DISP2: variants seen among roughly 807,000 people sequenced by gnomAD.
DISP2 encodes the protein dispatched RND transporter family member 2.
DISP2 carries 59 observed loss-of-function variants against 95.5 expected under a neutral mutation model. That is an observed-to-expected ratio of 0.62 (90% CI 0.50 to 0.77). DISP2 has a LOEUF of 0.77. DISP2 is among the 30% of genes least tolerant of loss of function. DISP2 has a pLI of 0.00. For synonymous variants in DISP2, 827 were observed against 815.0 expected (o/e 1.01, Z -0.25); for missense variants, 1,752 against 1,854.6 (o/e 0.94, Z 1.02).
At chr15:40,366,202 A>C (rs1056456345) in intron 7 of DISP2, among the ~76,000 whole-genome samples, 2 of 152,268 alleles carry the variant, frequency 1.3e-5, no homozygotes, top group Non-Finnish European at 2.9e-5. Context: ...CCCAAGTACC[A>C]AAAGACTGGT....
chr15:40,370,243 G>T lies in DISP2; in HGVS notation c.4131G>T (p.Leu1377=), dbSNP rs1312774711. The T allele has an allele frequency of 1.9e-6, 3 of 1,587,476 alleles. No homozygotes were observed. Among genetic ancestry groups the T allele is most frequent in the Non-Finnish European group, 2.6e-6 (3 of 1,168,908 alleles). ...GGPGDGSPVV[L]PNSQPDLPDV... is the part of the protein sequence containing the mutation. The stretch of plus-strand genomic sequence containing the variant: ...CAGGGGATGGCAGCCCTGTGGTGCT[G>T]CCCAATAGCCAGCCAGACCTGCCAG... The change falls in exon 8 of 8, where the codon CTG becomes CTT. Residue 1377 remains leucine (L), a synonymous_variant. Coordinates refer to ENST00000267889, the MANE Select transcript of DISP2 (RefSeq NM_033510.3).
intron 7 of DISP2, among the ~76,000 whole-genome samples, chr15:40,366,184 G>A (rs773278047): frequency 2.0e-5 from 3 of 152,234 alleles, no homozygotes; most frequent in Non-Finnish European, 2.9e-5. Context: ...CACTTCACAC[G>A]AGGATATCCC....
At position 40,363,900 on chromosome 15, in the gene DISP2, A is replaced by C; in HGVS notation, c.395A>C (p.Gln132Pro). The C allele has an allele frequency of 6.4e-7, 1 of 1,569,638 alleles. No homozygotes were observed. The highest frequency in any genetic ancestry group is 1.2e-5 in the South Asian group (1 of 85,040). ...SSLSPSPAPS[Q>P]RDGTWKPPAV... is the part of the protein sequence containing the mutation. ...CTCAGCCCTTCTCCAGCCCCCTCAC[A>C]GCGCGATGGGACCTGGAAGCCACCC... Residue 132 changes from glutamine (Q) to proline (P), a missense_variant, in exon 2 of 8, where the codon CAG becomes CCG. Around this residue, in one of 5 missense-constraint regions of DISP2, gnomAD observed 342 missense variants for 364.3 expected, o/e 0.94. Transcript: ENST00000267889.
rs141219965 is a variant in DISP2 at position 40,369,235 on chromosome 15, C to T, written c.3123C>T (p.His1041=). 2.5e-6 allele frequency: 4 copies of T among 1,613,842 alleles called. No homozygotes were observed. The African/African-American group carries it at 4.0e-5, about 16-fold the overall frequency. Residue 1041 remains histidine (H), a synonymous_variant, in exon 8 of 8, where the codon CAC becomes CAT. Coordinates refer to ENST00000267889, the MANE Select transcript of DISP2 (RefSeq NM_033510.3). ...DFTVNYCISY[H]LCPHPDRLSR... ...CTGTCAACTACTGCATCTCCTATCA[C>T]CTGTGCCCACACCCTGACCGCCTGA...
At position 40,358,244 on chromosome 15, in the gene DISP2, T is replaced by TGCCGCC. The variant is rs1555399509; in HGVS notation, c.-74_-69dup. 4.0e-5 allele frequency: 31 copies of TGCCGCC among 779,810 alleles called. No individual in the cohort carries two copies. The highest frequency in any genetic ancestry group is 8.0e-5 in the African/African-American group (4 of 49,726). 48.3% of individuals were successfully genotyped at this position (779,810 alleles called of 1,614,324 possible). ...ATGCGCACGAGCACCCCGCCGCCGCTGCCGCCGCCACCGCCGCCGCCGCCG... is the reference window on the plus strand; with the variant it reads ...ATGCGCACGAGCACCCCGCCGCCGCTGCCGCCGCCGCCGCCACCGCCGCCGCCGCCG... On this transcript the variant is annotated 5_prime_UTR_variant, in exon 1 of 8. Coordinates refer to ENST00000267889, the MANE Select transcript of DISP2 (RefSeq NM_033510.3).
rs537416138 is a variant in DISP2, at chr15:40,364,890, C to T, written c.656C>T (p.Ala219Val). ...DIGSKLVVWRALQALTGPRKL... is the reference protein window; with the variant it reads ...DIGSKLVVWRVLQALTGPRKL... The stretch of plus-strand genomic sequence containing the variant: ...GGGAGCAAGTTAGTGGTCTGGAGAG[C>T]ACTACAAGCCCTCACAGGCCCCAGG... Residue 219 changes from alanine (A) to valine (V), a missense_variant, in exon 5 of 8, where the codon GCA becomes GTA. By Grantham distance (64) the Ala-to-Val change is moderately conservative. Coordinates refer to ENST00000267889, the MANE Select transcript of DISP2 (RefSeq NM_033510.3). The T allele has an allele frequency of 6.2e-7, 1 of 1,614,148 alleles. No homozygotes were observed. The highest frequency in any genetic ancestry group is 1.3e-5 in the African/African-American group (1 of 75,052).
Position 40,367,267 on chromosome 15 carries a change from G to A in DISP2, c.1155G>A (p.Leu385=). The A allele has an allele frequency of 6.2e-7, 1 of 1,613,816 alleles. No individual in the cohort carries two copies. Among genetic ancestry groups the A allele is most frequent in the Non-Finnish European group, 8.5e-7 (1 of 1,179,958 alleles). The change falls in exon 8 of 8, where the codon CTG becomes CTA. Residue 385 remains leucine (L), a synonymous_variant. Transcript: ENST00000267889. ...YHSGALVPSC[L]GPGQNKSPRC... ...GTGGCGCCTTGGTGCCCTCTTGTCT[G>A]GGACCTGGGCAGAACAAGTCCCCAC...
At position 40,369,424 on chromosome 15, in the gene DISP2, C is replaced by G; in HGVS notation, c.3312C>G (p.Ser1104Arg). 1 of 1,613,558 alleles carries G rather than the reference C, an allele frequency of 6.2e-7. No individual in the cohort carries two copies. Among genetic ancestry groups the G allele is most frequent in the Non-Finnish European group, 8.5e-7 (1 of 1,180,022 alleles). Reference protein sequence around the residue: ...MVKCVSCGFASFFFQSLCCFF... With the variant: ...MVKCVSCGFARFFFQSLCCFF... ...AATGCGTCAGTTGTGGCTTTGCCAG[C>G]TTCTTCTTCCAATCTCTCTGCTGTT... is the stretch of plus-strand genomic sequence containing the variant. Residue 1104 changes from serine to arginine, a missense_variant, in exon 8 of 8, where the codon AGC becomes AGG. Physicochemically the swap from Ser to Arg is moderately radical, Grantham distance 110 (BLOSUM62 -1). Transcript: ENST00000267889.
In DISP2 at chr15:40,373,560, TG is replaced by T. The variant is rs1566919140; in HGVS notation, c.*3245del. 1.3e-5 allele frequency: 2 copies of T among 150,860 alleles called. No homozygotes were observed. The highest frequency in any genetic ancestry group is 2.1e-4 in the South Asian group (1 of 4,776). The allele number at this position is 150,860 out of a possible 1,614,324, so 9.3% of individuals were successfully genotyped here. ...CTCTACTAAAAATACAAAAATTAGT[TG>T]GGCGTGGTGGGGGATGCCTGTAGTC... On this transcript the variant is annotated 3_prime_UTR_variant, in exon 8 of 8. Coordinates refer to ENST00000267889, the MANE Select transcript of DISP2 (RefSeq NM_033510.3).
Position 40,368,353 on chromosome 15 carries a change from G to A in DISP2, c.2241G>A (p.Glu747=). Residue 747 remains glutamate, a synonymous_variant, in exon 8 of 8, where the codon GAG becomes GAA. Transcript: ENST00000267889. ...TCTTCCGGCCCAGCCACCCCTTCGA[G>A]CGCTTCGACGCGGAGTATCGCCAGC... The part of the protein sequence containing the change: ...GQVFRPSHPF[E]RFDAEYRQLF... 1 of 1,605,612 alleles carries A rather than the reference G, an allele frequency of 6.2e-7. No individual in the cohort carries two copies. The highest frequency in any genetic ancestry group is 2.2e-5 in the East Asian group (1 of 44,820).
At chr15:40,360,629 G>A (rs895052558) in intron 1 of DISP2, among the ~76,000 whole-genome samples, 2 of 152,146 alleles carry the variant, frequency 1.3e-5, no homozygotes, top group African/African-American at 2.4e-5. Context: ...CTAAGGAAAA[G>A]GGTGGACTTG....
chr15:40,377,611 G>C lies in DISP2; in HGVS notation c.*7293G>C, dbSNP rs1889748316. ...GACTCTGAGGTGAGGGGATAGCTGG[G>C]AGTGTGGAGCAGCCAAGCTGGCTAG... On this transcript the variant is annotated 3_prime_UTR_variant, in exon 8 of 8. Coordinates refer to ENST00000267889, the MANE Select transcript of DISP2 (RefSeq NM_033510.3). 6.6e-6 allele frequency: 1 copy of C among 152,416 alleles called. No homozygotes were observed. The highest frequency in any genetic ancestry group is 2.4e-5 in the African/African-American group (1 of 41,458). The allele number at this position is 152,416 out of a possible 1,614,324, so 9.4% of individuals were successfully genotyped here.
At position 40,363,773 on chromosome 15, in the gene DISP2, C is replaced by A. The variant is rs770293316; in HGVS notation, c.268C>A (p.Pro90Thr). The change falls in exon 2 of 8, where the codon CCT becomes ACT. Residue 90 changes from proline to threonine, a missense_variant. This residue lies in a region of DISP2 where 342 missense variants were observed against 364.3 expected (regional missense o/e 0.94). Transcript: ENST00000267889. ...TGTGGGTCCATCCAGCCCCTTGGCC[C>A]CTGCCCACTTCACCTATCCCCGGGC... Reference protein sequence around the residue: ...QPVGPSSPLAPAHFTYPRALQ... With the variant: ...QPVGPSSPLATAHFTYPRALQ... The A allele has an allele frequency of 3.1e-6, 5 of 1,613,588 alleles. No homozygotes were observed. In the South Asian group the frequency reaches 5.5e-5, roughly 18 times the overall value.
At chr15:40,364,817 T>TCTCCACCCTC in intron 4 of DISP2, 21 bp from the exon 5 acceptor site, 1 of 1,610,840 alleles carries the variant, frequency 6.2e-7, no homozygotes, top group Non-Finnish European at 8.5e-7. Flanking sequence ...CACCTGTTCT[T>TCTCCACCCTC]CTCCACCCTC....
rs1889406214 is a variant in DISP2, at chr15:40,361,566, G to A, written c.120-2059G>A. Among the ~76,000 whole-genome samples the A allele has an allele frequency of 2.0e-5, 3 of 152,340 alleles. No homozygotes were observed. In the South Asian group the frequency reaches 6.2e-4, roughly 32 times the overall value. ...TCCCAAGGCCCCAGAGCCAAAGGGT[G>A]TTTGAGTCAGAAGCCCACCTCCACT... On this transcript the variant is annotated intron_variant, in intron 1 of 7. Transcript: ENST00000267889.
At chr15:40,364,730 C>T (rs890861646) in intron 4 of DISP2, 108 bp from the exon 5 acceptor site, 39 of 1,383,662 alleles carry the variant, frequency 2.8e-5, no homozygotes, top group Admixed American at 1.4e-4. Flanking sequence ...TTCAGGCAGG[C>T]GGGCTGGCCT....
rs374971217 is a variant in DISP2 at position 40,370,174 on chromosome 15, C to A, written c.4062C>A (p.Pro1354=). ...LRETVYDPSL[P]ASHHSSLSWK... Reference sequence around the variant, plus strand: ...AGACAGTGTATGACCCATCATTGCCCGCTTCCCATCACAGCAGCTTGTCCT... The same window carrying A: ...AGACAGTGTATGACCCATCATTGCCAGCTTCCCATCACAGCAGCTTGTCCT... Residue 1354 remains proline (P), a synonymous_variant, in exon 8 of 8, where the codon CCC becomes CCA. Transcript: ENST00000267889. 2 of 1,612,110 alleles carry A rather than the reference C, an allele frequency of 1.2e-6. No individual in the cohort carries two copies. The highest frequency in any genetic ancestry group is 1.3e-5 in the African/African-American group (1 of 75,052).
intron 1 of DISP2, among the ~76,000 whole-genome samples, chr15:40,361,704 T>C (rs1889408532): frequency 6.6e-6 from 1 of 152,252 alleles, no homozygotes; most frequent in South Asian, 2.1e-4. Flanking sequence ...TAGTTCCTCT[T>C]CTCAGTCTCT....
intron 1 of DISP2, among the ~76,000 whole-genome samples, chr15:40,361,967 G>T (rs1314102626): frequency 6.6e-6 from 1 of 152,188 alleles, no homozygotes; most frequent in African/African-American, 2.4e-5. Flanking sequence ...ATGGCCCTGG[G>T]CACTCTGTTC....
Sources: allele counts gnomAD v4.1 joint callset (sites outside exome capture counted in the v4.1 genomes callset), GRCh38; gene constraint gnomAD v4.1.1; regional missense constraint gnomAD v4.1.1; transcripts MANE v1.5; gene names NCBI Gene and HGNC (gene_info 2026-07-23, HGNC 2026-07-21).